Variants in ENPEP observed in about 807,000 individuals in gnomAD.
The protein encoded by ENPEP is AP-A.
A neutral mutation model predicts 114.5 loss-of-function variants in ENPEP; 103 were observed. That is an observed-to-expected ratio of 0.90 (90% confidence interval 0.77 to 1.06). ENPEP has a LOEUF of 1.06. ENPEP is among the 50% of genes least tolerant of loss of function. The pLI is 0.00. For missense variants in ENPEP, 1,196 were observed against 1,161.3 expected, an observed-to-expected ratio of 1.03 and a Z score of -0.43; for synonymous variants, 420 against 422.0, an observed-to-expected ratio of 1.00 and a Z score of 0.06.
intron 1 of ENPEP, among the ~76,000 whole-genome samples, chr4:110,486,678 T>C (rs1724512828): frequency 6.6e-6 from 1 of 152,154 alleles, no homozygotes; most frequent in African/African-American, 2.4e-5. Context: ...CCTAAGTTAT[T>C]TATTTATTTG....
intron 1 of ENPEP, among the ~76,000 whole-genome samples, chr4:110,486,719 T>G (rs1291027549): frequency 6.6e-6 from 1 of 152,188 alleles, no homozygotes; most frequent in Non-Finnish European, 1.5e-5. Context: ...CTGTAAGCAG[T>G]CTGGAATCTT....
Position 110,564,506 on chromosome 4 carries a change from A to T in ENPEP, c.*2948A>T, listed in dbSNP as rs536274529. 1 of 152,342 alleles carries T rather than the reference A, an allele frequency of 6.6e-6. No homozygotes were observed. The highest frequency in any genetic ancestry group is 2.4e-5 in the African/African-American group (1 of 41,574). The allele number at this position is 152,342 out of a possible 1,614,324, so 9.4% of individuals were successfully genotyped here. ...CATGTAAAGGACATACGTATAGGAA[A>T]TAACAATCACTCAATAAGTGTTAGC... On this transcript the variant is annotated 3_prime_UTR_variant, in exon 20 of 20. Transcript: ENST00000265162.
intron 3 of ENPEP, among the ~76,000 whole-genome samples, chr4:110,495,448 C>A (rs1442686930): frequency 6.6e-6 from 1 of 152,100 alleles, no homozygotes; most frequent in Non-Finnish European, 1.5e-5. Context: ...TGGCCGGGCG[C>A]GGTGGCTCAT....
intron 1 of ENPEP, among the ~76,000 whole-genome samples, chr4:110,481,990 T>G (rs781643220): frequency 1.3e-5 from 2 of 152,002 alleles, no homozygotes; most frequent in Admixed American, 6.6e-5. Flanking sequence ...GAAAATTAGT[T>G]TGTAGGGGAA....
intron 3 of ENPEP, among the ~76,000 whole-genome samples, chr4:110,493,512 T>C (rs1724803337): frequency 6.6e-6 from 1 of 152,158 alleles, no homozygotes; most frequent in Non-Finnish European, 1.5e-5. Flanking sequence ...AAATGAGATA[T>C]GCCACTTTCC....
intron 18 of ENPEP, among the ~76,000 whole-genome samples, chr4:110,556,230 A>G (rs1727465700): frequency 6.6e-6 from 1 of 151,932 alleles, no homozygotes; most frequent in African/African-American, 2.4e-5. Flanking sequence ...CACAAAATGC[A>G]TACAAACAAA....
chr4:110,510,154 T>A (rs1725520919), intron 5 of ENPEP, 91 bp from the exon 6 acceptor site: 1 of 1,051,970 alleles, frequency 9.5e-7, no homozygotes, highest in South Asian at 1.4e-5. Flanking sequence ...GTGACAACAT[T>A]GGCACGGACA....
Position 110,551,219 on chromosome 4 carries a change from G to A in ENPEP, c.2501+1333G>A, listed in dbSNP as rs187537149. ...ATTAGCAAGAACTTTAGATGCCTTA[G>A]TAAGAACCTTGTGAACTAGGGGATG... On this transcript the variant is annotated intron_variant, in intron 17 of 19. Transcript: ENST00000265162. 8.6e-4 allele frequency among the ~76,000 whole-genome samples: 131 copies of A among 152,020 alleles called. 1 individual carries two copies. The highest frequency in any genetic ancestry group is 3.0e-3 in the African/African-American group (125 of 41,472).
At chr4:110,525,861 T>C (rs1448829348) in intron 10 of ENPEP, among the ~76,000 whole-genome samples, 1 of 152,136 alleles carries the variant, frequency 6.6e-6, no homozygotes, top group African/African-American at 2.4e-5. Flanking sequence ...CTCAATTAAT[T>C]GGGAGAGGGA....
Position 110,557,300 on chromosome 4 carries a change from C to T in ENPEP, c.2643-2347C>T, listed in dbSNP as rs537064045. ...ATCTTAGGAATTTGGTGGCTGAAGT[C>T]GAGTGAAGAAAATATCATCGGAAAT... On this transcript the variant is annotated intron_variant, in intron 18 of 19. Transcript: ENST00000265162. Among the ~76,000 whole-genome samples, 6 of 152,024 alleles carry T rather than the reference C, an allele frequency of 3.9e-5. No homozygotes were observed. In the South Asian group the frequency reaches 6.2e-4, roughly 16 times the overall value.
rs775924335 is a variant in ENPEP, at chr4:110,506,751, A to T, written c.1033A>T (p.Lys345Ter). The T allele has an allele frequency of 6.4e-7, 1 of 1,560,680 alleles. No individual in the cohort carries two copies. The highest frequency in any genetic ancestry group is 8.7e-7 in the Non-Finnish European group (1 of 1,144,310). ...EYFAMNYSLP[K>*]LDKIAIPDFG... ...CTTTGCTATGAATTATTCTCTTCCT[A>T]AATTAGGTGAGGATCATTTTTTAAT... Residue 345 changes from lysine (K) to a stop codon, truncating the protein, a stop_gained, in exon 4 of 20, where the codon AAA becomes TAA. Transcript: ENST00000265162. LOFTEE classifies it high-confidence loss of function.
At chr4:110,546,111 T>C (rs891787623) in intron 13 of ENPEP, among the ~76,000 whole-genome samples, 4 of 152,124 alleles carry the variant, frequency 2.6e-5, no homozygotes, top group African/African-American at 2.4e-5. Context: ...CAGCACTCTT[T>C]GAAAGGCCTC....
At chr4:110,514,792 A>T (rs544707345) in intron 7 of ENPEP, among the ~76,000 whole-genome samples, 1 of 152,222 alleles carries the variant, frequency 6.6e-6, no homozygotes, top group South Asian at 2.1e-4. Context: ...TAACACATAA[A>T]AAGAAAGTAC....
At chr4:110,485,642 G>A (rs574249908) in intron 1 of ENPEP, among the ~76,000 whole-genome samples, 66 of 152,260 alleles carry the variant, frequency 4.3e-4, no homozygotes, top group African/African-American at 1.2e-3. Flanking sequence ...AGTCTGGAAT[G>A]CTGCATTGCA....
chr4:110,520,450 T>C (rs528209624), intron 10 of ENPEP, 84 bp downstream of exon 10: 544 of 1,384,700 alleles, frequency 3.9e-4, no homozygotes, highest in Non-Finnish European at 5.2e-4. Context: ...GTTGAGTACA[T>C]GATGGATGAG....
chr4:110,512,870 G>C (rs893301311), intron 6 of ENPEP: 1 of 152,262 alleles, frequency 6.6e-6, no homozygotes, highest in Non-Finnish European at 1.5e-5. Flanking sequence ...GTACTGCTAG[G>C]CCTGTCAACC....
chr4:110,532,043 AT>A (rs1366879179), intron 11 of ENPEP, among the ~76,000 whole-genome samples: 1 of 152,204 alleles, frequency 6.6e-6, no homozygotes, highest in African/African-American at 2.4e-5. Flanking sequence ...CATGTAAAAT[AT>A]TTTAAAATAT....
intron 18 of ENPEP, among the ~76,000 whole-genome samples, chr4:110,557,535 T>C (rs767970340): frequency 1.9e-4 from 29 of 152,156 alleles, no homozygotes; most frequent in Non-Finnish European, 3.1e-4. Context: ...ACTGACTATT[T>C]CCTGACCTGA....
chr4:110,484,476 GTATC>G (rs1225193099), intron 1 of ENPEP, among the ~76,000 whole-genome samples: 1 of 151,734 alleles, frequency 6.6e-6, no homozygotes. Context: ...GAATGTCACT[GTATC>G]TATATCTGGG....
Sources: allele counts gnomAD v4.1 joint callset (sites outside exome capture counted in the v4.1 genomes callset), GRCh38; gene constraint gnomAD v4.1.1; transcripts MANE v1.5; gene names NCBI Gene and HGNC (gene_info 2026-07-23, HGNC 2026-07-21).